IQSEC1: variants seen among roughly 807,000 people sequenced by gnomAD.
IQSEC1 encodes the protein IQ motif and SEC7 domain-containing protein 1.
In IQSEC1, 31 loss-of-function variants were observed where a neutral mutation model predicts 91.0. The ratio of observed to expected loss-of-function variants is 0.34; its 90% CI spans 0.26 to 0.46. The LOEUF is 0.46. Ranked by LOEUF, IQSEC1 falls within the 20% of genes least tolerant of loss-of-function variation. The pLI, the probability that IQSEC1 is intolerant of heterozygous loss-of-function variation, is 1.00. For missense variants in IQSEC1, 1,388 were observed against 1,575.6 expected (o/e 0.88, Z 2.02); for synonymous variants, 699 against 662.6 (o/e 1.05, Z -0.84).
intron 1 of IQSEC1, among the ~76,000 whole-genome samples, chr3:12,984,596 AG>A (rs1701631921): frequency 6.6e-6 from 1 of 152,116 alleles, no homozygotes; most frequent in Non-Finnish European, 1.5e-5. Flanking sequence ...GGGAAGCCTA[AG>A]GGCCATGCAT....
rs149344734 is a variant in IQSEC1, at chr3:13,162,188, C to A, written c.302+1916G>T. Among the ~76,000 whole-genome samples, 37 of 152,342 alleles carry A rather than the reference C, an allele frequency of 2.4e-4. No homozygotes were observed. The East Asian group carries it at 4.4e-3, about 18-fold the overall frequency. ...GTTCTCAGGGCGACCCCGTAAGGGA[C>A]CCGCTGCCCACCATGAACTTTCACA... On this transcript the variant is annotated intron_variant, in intron 2 of 15. Coordinates refer to the IQSEC1 transcript ENST00000648114.
At chr3:13,078,009 C>T (rs1011998861), upstream of IQSEC1, among the ~76,000 whole-genome samples, 21 of 152,206 alleles carry the variant, frequency 1.4e-4, no homozygotes, top group Non-Finnish European at 2.2e-4. Flanking sequence ...GTGCCAAGGA[C>T]GGCCGTGGCC....
intron 3 of IQSEC1, among the ~76,000 whole-genome samples, chr3:12,926,941 G>A (rs918800900): frequency 5.3e-5 from 8 of 152,134 alleles, no homozygotes; most frequent in Admixed American, 1.3e-4. Context: ...GAGTGGCCCC[G>A]GTCCCTACCT....
chr3:12,913,634 C>G (rs1020754485), intron 8 of IQSEC1, 81 bp from the exon 9 acceptor site: 56 of 1,439,104 alleles, frequency 3.9e-5, no homozygotes, highest in Non-Finnish European at 5.1e-5. Context: ...GAAGTCTAGC[C>G]CTTCAAGCTA....
intron 1 of IQSEC1, among the ~76,000 whole-genome samples, chr3:13,021,319 C>A (rs1054199198): frequency 1.3e-5 from 2 of 152,196 alleles, no homozygotes; most frequent in Admixed American, 6.5e-5. Context: ...CTGCTCCACC[C>A]TTTCATTCTC....
Position 13,218,630 on chromosome 3 carries a change from G to A in IQSEC1, c.273-54497C>T, listed in dbSNP as rs138405409. On this transcript the variant is annotated intron_variant, in intron 1 of 15. Coordinates refer to the IQSEC1 transcript ENST00000648114. Reference sequence around the variant, plus strand: ...ATGGAAACTGGAAAATGAAGTTCATGTGCTCTATTTGCTCCTGTTCATGCA... The same window carrying A: ...ATGGAAACTGGAAAATGAAGTTCATATGCTCTATTTGCTCCTGTTCATGCA... Among the ~76,000 whole-genome samples the A allele has an allele frequency of 2.9e-3, 445 of 152,350 alleles. 3 individuals are homozygous for A. Among genetic ancestry groups the A allele is most frequent in the African/African-American group, 0.01 (421 of 41,568 alleles).
chr3:13,094,744 C>T (rs1044588733), intron 2 of IQSEC1, among the ~76,000 whole-genome samples: 2 of 152,200 alleles, frequency 1.3e-5, no homozygotes, highest in Admixed American at 6.5e-5. Flanking sequence ...TGACAGGCTC[C>T]AGCAGCCACG....
intron 5 of IQSEC1, among the ~76,000 whole-genome samples, chr3:12,921,115 T>C (rs898280444): frequency 6.6e-6 from 1 of 151,902 alleles, no homozygotes; most frequent in Non-Finnish European, 1.5e-5. Flanking sequence ...AACACCCCCC[T>C]GCCTTGGAGT....
chr3:13,043,539 C>G (rs13081763), intron 1 of IQSEC1, among the ~76,000 whole-genome samples: 10 of 152,240 alleles, frequency 6.6e-5, no homozygotes, highest in African/African-American at 2.2e-4. Context: ...CCCCTCGTGT[C>G]TAAGCTATAG....
At chr3:13,107,738 G>T (rs568585968) in intron 2 of IQSEC1, among the ~76,000 whole-genome samples, 35 of 152,368 alleles carry the variant, frequency 2.3e-4, no homozygotes, top group African/African-American at 7.9e-4. Context: ...TTGACCAGCA[G>T]AATCCCGCCC....
At position 12,992,757 on chromosome 3, in the gene IQSEC1, CA is replaced by C. The variant is rs143343046; in HGVS notation, c.24-50893del. 0.022 allele frequency among the ~76,000 whole-genome samples: 3,407 copies of C among 152,304 alleles called. 133 individuals carry two copies. Among genetic ancestry groups the C allele is most frequent in the African/African-American group, 0.078 (3,254 of 41,562 alleles). ...GTGAGCCTCATCTCCTGGACAAGGC[CA>C]GGGGGAGGGGACACCCACTGTCACC... On this transcript the variant is annotated intron_variant, in intron 1 of 13. Transcript: ENST00000613206. The surrounding 1 kb of genome is among the most constrained non-coding windows in gnomAD (Gnocchi z 4.1).
chr3:12,903,744 T>C (rs1268563526), intron 12 of IQSEC1, among the ~76,000 whole-genome samples: 2 of 152,240 alleles, frequency 1.3e-5, no homozygotes, highest in East Asian at 3.9e-4. Flanking sequence ...GGCCCAGCTC[T>C]CTGGGAGTGG....
intron 1 of IQSEC1, among the ~76,000 whole-genome samples, chr3:12,982,612 G>GT (rs1283414718): frequency 6.6e-6 from 1 of 152,098 alleles, no homozygotes; most frequent in African/African-American, 2.4e-5. Context: ...CCCCGTGGGT[G>GT]TTTAAGTCTA....
At chr3:12,955,467 C>T (rs1022477696) in intron 1 of IQSEC1, among the ~76,000 whole-genome samples, 25 of 152,214 alleles carry the variant, frequency 1.6e-4, no homozygotes, top group Non-Finnish European at 3.4e-4. Context: ...GATAGGGGGC[C>T]GATGCCAACA....
Position 13,116,844 on chromosome 3 carries a change from C to G in IQSEC1, c.302+47260G>C, listed in dbSNP as rs183542053. Reference sequence around the variant, plus strand: ...AACAAAAAAACTGACTCCCAATGGGCCAAAGACCTAAGTGTAAGAGCTAGG... The same window carrying G: ...AACAAAAAAACTGACTCCCAATGGGGCAAAGACCTAAGTGTAAGAGCTAGG... On this transcript the variant is annotated intron_variant, in intron 2 of 15. Coordinates refer to the IQSEC1 transcript ENST00000648114. 1.8e-3 allele frequency among the ~76,000 whole-genome samples: 272 copies of G among 152,142 alleles called. 1 individual carries two copies. In the South Asian group the frequency reaches 0.019, roughly 10 times the overall value.
chr3:13,056,523 A>T (rs1055335551), intron 1 of IQSEC1, among the ~76,000 whole-genome samples: 2 of 152,064 alleles, frequency 1.3e-5, no homozygotes, highest in African/African-American at 2.4e-5. Flanking sequence ...CATTTTACAT[A>T]TGAGGAAACT....
intron 1 of IQSEC1, among the ~76,000 whole-genome samples, chr3:13,044,496 G>C (rs953864642): frequency 6.6e-6 from 1 of 152,244 alleles, no homozygotes; most frequent in African/African-American, 2.4e-5. Context: ...TACAGTCGGG[G>C]AGTGCGAGGC....
At chr3:13,277,384 C>T (rs567872368) in intron 1 of IQSEC1, among the ~76,000 whole-genome samples, 30 of 152,272 alleles carry the variant, frequency 2.0e-4, no homozygotes, top group African/African-American at 7.2e-4. Context: ...AAGTAGGTCC[C>T]GACTTTATTT....
rs1019456747 is a variant in IQSEC1 at position 13,214,112 on chromosome 3, T to C, written c.273-49979A>G. 5.3e-5 allele frequency among the ~76,000 whole-genome samples: 8 copies of C among 152,174 alleles called. No individual in the cohort carries two copies. The highest frequency in any genetic ancestry group is 1.9e-4 in the African/African-American group (8 of 41,436). ...CCACACGGCCCAGCCCCTCCTGGCC[T>C]TTGCTATACTGGTCTCTCTGCTCCA... On this transcript the variant is annotated intron_variant, in intron 1 of 15. Coordinates refer to the IQSEC1 transcript ENST00000648114. This position sits in a 1 kb window ranked among gnomAD's most constrained non-coding sequence, Gnocchi z 4.5.
Sources: gnomAD v4.1 joint callset for allele counts (sites outside exome capture counted in the v4.1 genomes callset) on GRCh38, gnomAD v4.1.1 for gene constraint, Gnocchi (gnomAD v3.1) non-coding constraint, MANE v1.5 for transcripts, NCBI Gene and HGNC (gene_info 2026-07-23, HGNC 2026-07-21) for gene names.